GALNT13: variants seen among roughly 807,000 people sequenced by gnomAD.
GALNT13 encodes UDP-GalNAc:polypeptide N-acetylgalactosaminyltransferase 13.
GALNT13 carries 28 observed loss-of-function variants against 64.2 expected under a neutral mutation model. That is an observed-to-expected ratio of 0.44 (90% CI 0.32 to 0.60). The LOEUF (loss-of-function observed/expected upper bound fraction) is 0.60. GALNT13 is among the 20% of genes least tolerant of loss of function. The pLI is 0.05. For synonymous variants in GALNT13, 214 were observed against 224.6 expected (o/e 0.95, Z 0.42); for missense variants, 577 against 669.8 (o/e 0.86, Z 1.53).
At chr2:153,581,663 G>T in the GALNT13 span, among the ~76,000 whole-genome samples, 1 of 151,360 alleles carries the variant, frequency 6.6e-6, no homozygotes, top group African/African-American at 2.4e-5. Flanking sequence ...TAAAACTTAT[G>T]TATAAGGGGG....
At chr2:153,488,145 A>G in the GALNT13 span, among the ~76,000 whole-genome samples, 1 of 152,196 alleles carries the variant, frequency 6.6e-6, no homozygotes, top group Non-Finnish European at 1.5e-5. Flanking sequence ...CAGAACATGA[A>G]TATCCTTGTT....
At chr2:153,964,484 T>C (rs970183876) in intron 3 of GALNT13, among the ~76,000 whole-genome samples, 1 of 152,114 alleles carries the variant, frequency 6.6e-6, no homozygotes, top group African/African-American at 2.4e-5. Context: ...CATATATTTC[T>C]CAGTACTCTC....
the GALNT13 span, among the ~76,000 whole-genome samples, chr2:153,207,088 A>G: frequency 6.6e-6 from 1 of 152,244 alleles, no homozygotes; most frequent in Admixed American, 6.5e-5. Context: ...TTACTATCTT[A>G]TAAATGTTTT....
At position 154,242,776 on chromosome 2, in the gene GALNT13, C is replaced by G. The variant is rs1399163969; in HGVS notation, c.557C>G (p.Ser186Cys). 1.2e-6 allele frequency: 2 copies of G among 1,613,898 alleles called. No individual in the cohort carries two copies. Among genetic ancestry groups the G allele is most frequent in the Non-Finnish European group, 1.7e-6 (2 of 1,179,906 alleles). The change falls in exon 6 of 13, where the codon TCT becomes TGT. Residue 186 changes from serine to cysteine, a missense_variant. By Grantham distance (112) the Ser-to-Cys change is moderately radical. Coordinates refer to ENST00000392825, the MANE Select transcript of GALNT13 (RefSeq NM_052917.4). ...PVKIIRMEER[S>C]GLIRARLRGA... The stretch of plus-strand genomic sequence containing the variant: ...AAAATTATTAGGATGGAAGAACGCT[C>G]TGGGTTAATACGTGCCCGTCTTCGA...
At chr2:153,445,401 A>G in the GALNT13 span, among the ~76,000 whole-genome samples, 2 of 152,152 alleles carry the variant, frequency 1.3e-5, no homozygotes, top group African/African-American at 2.4e-5. Flanking sequence ...TTTTTGAGAC[A>G]TAGTCTCACT....
the GALNT13 span, among the ~76,000 whole-genome samples, chr2:153,396,496 CT>C: frequency 1.3e-4 from 19 of 148,210 alleles, no homozygotes; most frequent in African/African-American, 2.0e-4. Flanking sequence ...CATTGACTCA[CT>C]TTTTTTTTTG....
At chr2:153,441,559 A>C in the GALNT13 span, among the ~76,000 whole-genome samples, 1 of 152,158 alleles carries the variant, frequency 6.6e-6, no homozygotes, top group African/African-American at 2.4e-5. Context: ...TTTTCACCAT[A>C]ATGATTCTTC....
chr2:153,416,182 G>A, the GALNT13 span, among the ~76,000 whole-genome samples: 4 of 152,132 alleles, frequency 2.6e-5, no homozygotes, highest in South Asian at 6.2e-4. Context: ...AGTTACTATT[G>A]TCTTAAGAAA....
At chr2:153,669,130 C>T in the GALNT13 span, among the ~76,000 whole-genome samples, 1 of 152,176 alleles carries the variant, frequency 6.6e-6, no homozygotes, top group Admixed American at 6.5e-5. Flanking sequence ...AAGGCCATGC[C>T]TGACCGTCAG....
At chr2:153,107,493 C>T in the GALNT13 span, among the ~76,000 whole-genome samples, 1 of 152,082 alleles carries the variant, frequency 6.6e-6, no homozygotes, top group African/African-American at 2.4e-5. Context: ...TTGAGATTAT[C>T]ACTGCATTAA....
chr2:153,675,805 C>G, the GALNT13 span, among the ~76,000 whole-genome samples: 2 of 152,084 alleles, frequency 1.3e-5, no homozygotes, highest in African/African-American at 2.4e-5. Context: ...TCAAGAAATT[C>G]TTCAAAACTA....
chr2:153,270,534 G>C, the GALNT13 span, among the ~76,000 whole-genome samples: 1 of 152,136 alleles, frequency 6.6e-6, no homozygotes, highest in Non-Finnish European at 1.5e-5. Context: ...AGCTTCTTTT[G>C]CTTTGGCTCC....
chr2:154,254,408 A>G (rs58550575), intron 7 of GALNT13, among the ~76,000 whole-genome samples: 2,547 of 152,254 alleles, frequency 0.017, 67 homozygotes, highest in African/African-American at 0.057. Context: ...TCATCAATTT[A>G]GAGAAATTAA....
At chr2:153,690,190 TC>T in the GALNT13 span, among the ~76,000 whole-genome samples, 1 of 152,144 alleles carries the variant, frequency 6.6e-6, no homozygotes, top group African/African-American at 2.4e-5. Flanking sequence ...TTCACATAGT[TC>T]CTGAATATAT....
the GALNT13 span, among the ~76,000 whole-genome samples, chr2:153,587,571 T>C: frequency 6.6e-6 from 1 of 152,248 alleles, no homozygotes; most frequent in South Asian, 2.1e-4. Flanking sequence ...TCAGATCTCA[T>C]GAGACTTATT....
the GALNT13 span, among the ~76,000 whole-genome samples, chr2:153,626,553 C>G: frequency 6.6e-6 from 1 of 152,134 alleles, no homozygotes; most frequent in African/African-American, 2.4e-5. Flanking sequence ...TGTAGCTCTA[C>G]TTTCCATGCT....
the GALNT13 span, among the ~76,000 whole-genome samples, chr2:153,677,502 G>A: frequency 6.6e-6 from 1 of 151,852 alleles, no homozygotes; most frequent in Non-Finnish European, 1.5e-5. Flanking sequence ...TATAGATTCA[G>A]TGCTATTCCT....
intron 4 of GALNT13, among the ~76,000 whole-genome samples, chr2:154,219,875 T>C (rs1459063895): frequency 6.6e-6 from 1 of 152,064 alleles, no homozygotes; most frequent in Non-Finnish European, 1.5e-5. Flanking sequence ...TATGGACATA[T>C]ATGACCTCAG....
chr2:153,855,975 G>A, the GALNT13 span, among the ~76,000 whole-genome samples: 10 of 152,246 alleles, frequency 6.6e-5, no homozygotes, highest in East Asian at 1.2e-3. Context: ...ACAAATGATC[G>A]CACAGTGTTA....
Sources: allele counts gnomAD v4.1 joint callset (sites outside exome capture counted in the v4.1 genomes callset), GRCh38; gene constraint gnomAD v4.1.1; transcripts MANE v1.5; gene names NCBI Gene and HGNC (gene_info 2026-07-23, HGNC 2026-07-21).